The following SLC5A4 variants were observed in gnomAD, a reference collection of about 807,000 sequenced individuals.
The protein encoded by SLC5A4 is solute carrier family 5 member 4.
A neutral mutation model predicts 70.3 loss-of-function variants in SLC5A4; 55 were observed. That is an observed-to-expected ratio of 0.78 (90% CI 0.63 to 0.98). SLC5A4 has a LOEUF of 0.98. Ranked by LOEUF, SLC5A4 falls within the 50% of genes least tolerant of loss-of-function variation. The pLI is 0.00. For missense variants in SLC5A4, 735 were observed against 839.2 expected, an observed-to-expected ratio of 0.88 and a Z score of 1.53; for synonymous variants, 268 against 305.7, an observed-to-expected ratio of 0.88 and a Z score of 1.29.
the SLC5A4 span, among the ~76,000 whole-genome samples, chr22:32,319,363 T>C: frequency 6.6e-6 from 1 of 151,602 alleles, no homozygotes; most frequent in Admixed American, 6.6e-5. Flanking sequence ...CTCTTCTGGG[T>C]CTCAGACCCT....
chr22:32,292,614 A>G, the SLC5A4 span, among the ~76,000 whole-genome samples: 4 of 151,786 alleles, frequency 2.6e-5, no homozygotes, highest in Non-Finnish European at 5.9e-5. Flanking sequence ...CTATATATAT[A>G]TATTTTATAG....
At chr22:32,291,204 TTC>T in the SLC5A4 span, among the ~76,000 whole-genome samples, 4 of 97,812 alleles carry the variant, frequency 4.1e-5, no homozygotes, top group East Asian at 7.1e-4. Context: ...TGTTTGACTG[TTC>T]TTTTTTTTTT....
chr22:32,286,261 T>C, the SLC5A4 span, among the ~76,000 whole-genome samples: 5 of 152,236 alleles, frequency 3.3e-5, no homozygotes, highest in African/African-American at 1.2e-4. Flanking sequence ...CAATGACATA[T>C]TGATTTGGTC....
the SLC5A4 span, among the ~76,000 whole-genome samples, chr22:32,354,337 C>T: frequency 6.6e-6 from 1 of 151,600 alleles, no homozygotes; most frequent in Non-Finnish European, 1.5e-5. Context: ...GAGCCTAACC[C>T]GTCCCCCACC....
chr22:32,307,628 G>A, the SLC5A4 span, among the ~76,000 whole-genome samples: 5 of 152,300 alleles, frequency 3.3e-5, no homozygotes, highest in East Asian at 9.7e-4. Flanking sequence ...AGCTTTTCGG[G>A]TCACAACCCC....
chr22:32,280,633 T>C, the SLC5A4 span, among the ~76,000 whole-genome samples: 18,434 of 152,230 alleles, frequency 0.12, 1,521 homozygotes, highest in Non-Finnish European at 0.19. Context: ...GCAGGGACTC[T>C]GAAGGACCAG....
At chr22:32,354,472 C>T in the SLC5A4 span, among the ~76,000 whole-genome samples, 1 of 150,468 alleles carries the variant, frequency 6.6e-6, no homozygotes, top group South Asian at 2.1e-4. Flanking sequence ...CACGTCCCGC[C>T]CACCGCAGGC....
chr22:32,307,336 CTG>C, the SLC5A4 span, among the ~76,000 whole-genome samples: 3 of 152,174 alleles, frequency 2.0e-5, no homozygotes, highest in African/African-American at 7.2e-5. Context: ...GGACTAGAAA[CTG>C]GGGTGGTGGG....
upstream of SLC5A4, among the ~76,000 whole-genome samples, chr22:32,257,165 G>A (rs1927528049): frequency 6.6e-6 from 1 of 152,188 alleles, no homozygotes; most frequent in African/African-American, 2.4e-5. Flanking sequence ...ATCACTAGTA[G>A]TGTTGATTTT....
the SLC5A4 span, among the ~76,000 whole-genome samples, chr22:32,315,250 G>A: frequency 6.6e-6 from 1 of 150,454 alleles, no homozygotes; most frequent in African/African-American, 2.5e-5. Context: ...CCAATCTAAA[G>A]ATTATGACCA....
In SLC5A4 at chr22:32,238,922, T is replaced by C; in HGVS notation, c.583+63A>G. The C allele has an allele frequency of 8.3e-6, 9 of 1,086,998 alleles. No individual in the cohort carries two copies. The Admixed American group carries it at 1.5e-4, about 18-fold the overall frequency. 67.3% of individuals were successfully genotyped at this position (1,086,998 alleles called of 1,614,324 possible). ...ACAAGGTTAACACTGAGAATGCTAA[T>C]TGCAGGTTGGGGTGGGATCAGCAAA... On this transcript the variant is annotated intron_variant, in intron 6 of 14. Transcript: ENST00000266086.
chr22:32,241,665 G>A (rs1926516462), intron 5 of SLC5A4, among the ~76,000 whole-genome samples: 1 of 152,076 alleles, frequency 6.6e-6, no homozygotes, highest in Non-Finnish European at 1.5e-5. Context: ...GTTATCTGTG[G>A]TTTTGAGGTC....
At chr22:32,339,223 TTTTC>T in the SLC5A4 span, among the ~76,000 whole-genome samples, 1 of 152,184 alleles carries the variant, frequency 6.6e-6, no homozygotes, top group African/African-American at 2.4e-5. Flanking sequence ...CCGTAGCGGC[TTTTC>T]TTTTCCTATT....
At chr22:32,309,482 C>T in the SLC5A4 span, among the ~76,000 whole-genome samples, 1 of 152,104 alleles carries the variant, frequency 6.6e-6, no homozygotes, top group Admixed American at 6.5e-5. Context: ...ACCGGTAACT[C>T]TAGAAATCTA....
chr22:32,344,225 A>T, the SLC5A4 span, among the ~76,000 whole-genome samples: 2 of 152,202 alleles, frequency 1.3e-5, no homozygotes, highest in East Asian at 3.8e-4. Context: ...AGGTCAAAAG[A>T]GACCTTTCTG....
the SLC5A4 span, chr22:32,285,140 T>TAAAACTATATAATAAAA: frequency 6.6e-6 from 1 of 152,224 alleles, no homozygotes; most frequent in African/African-American, 2.4e-5. Flanking sequence ...TAGATGTGTG[T>TAAAACTATATAATAAAA]GTATATATGA....
Position 32,233,138 on chromosome 22 carries a change from G to A in SLC5A4, c.886-104C>T, listed in dbSNP as rs895336340. 4.8e-6 allele frequency: 6 copies of A among 1,261,606 alleles called. No individual in the cohort carries two copies. The African/African-American group carries it at 8.9e-5, about 19-fold the overall frequency. 78.2% of individuals were successfully genotyped at this position (1,261,606 alleles called of 1,614,324 possible). A position where few individuals can be genotyped will look rare whatever the true frequency, so the allele number is the denominator to read the frequency against. Reference sequence around the variant, plus strand: ...TAATGTTGCAATAAGAAATAATGTGGACCAGTATACCAAAGAGCTATCTGC... The same window carrying A: ...TAATGTTGCAATAAGAAATAATGTGAACCAGTATACCAAAGAGCTATCTGC... On this transcript the variant is annotated intron_variant, in intron 8 of 14. Coordinates refer to ENST00000266086, the MANE Select transcript of SLC5A4 (RefSeq NM_014227.3).
chr22:32,270,695 G>T, the SLC5A4 span: 1 of 685,908 alleles, frequency 1.5e-6, no homozygotes, highest in Admixed American at 2.0e-5. Context: ...CTGCTGGAAG[G>T]AATGAATCAG....
At chr22:32,340,034 C>T in the SLC5A4 span, among the ~76,000 whole-genome samples, 1 of 152,220 alleles carries the variant, frequency 6.6e-6, no homozygotes, top group Admixed American at 6.5e-5. Context: ...GAAGTAAAGG[C>T]AGAGAAGTTG....
Sources: gnomAD v4.1 joint callset for allele counts (sites outside exome capture counted in the v4.1 genomes callset) on GRCh38, gnomAD v4.1.1 for gene constraint, MANE v1.5 for transcripts, NCBI Gene and HGNC (gene_info 2026-07-23, HGNC 2026-07-21) for gene names.